Variants in ITK observed in about 807,000 individuals in gnomAD.
ITK encodes IL2 inducible T cell kinase.
A neutral mutation model predicts 87.6 loss-of-function variants in ITK; 45 were observed. The ratio of observed to expected loss-of-function variants is 0.51; its 90% CI spans 0.40 to 0.66. ITK has a LOEUF of 0.66. ITK is among the 30% of genes least tolerant of loss of function. The pLI, the probability that ITK is intolerant of heterozygous loss-of-function variation, is 0.00. For synonymous variants in ITK, 303 were observed against 273.6 expected (o/e 1.11, Z -1.06); for missense variants, 605 against 766.3 (o/e 0.79, Z 2.48).
At chr5:157,205,953 G>C (rs751877954) in intron 1 of ITK, among the ~76,000 whole-genome samples, 27 of 146,488 alleles carry the variant, frequency 1.8e-4, no homozygotes, top group South Asian at 4.4e-4. Flanking sequence ...AAGCCTACTT[G>C]ATCATGTAAA....
intron 15 of ITK, among the ~76,000 whole-genome samples, chr5:157,246,465 T>G (rs1298661154): frequency 1.3e-5 from 2 of 152,244 alleles, no homozygotes; most frequent in Non-Finnish European, 2.9e-5. Context: ...AAAAGACTTC[T>G]GTTCTTTTGG....
At chr5:157,233,932 CAT>C (rs201838461) in intron 8 of ITK, among the ~76,000 whole-genome samples, 4,055 of 21,430 alleles carry the variant, frequency 0.19, 396 homozygotes, top group African/African-American at 0.22. Flanking sequence ...CTTACTGATA[CAT>C]ATATATATAT....
At chr5:157,191,301 A>G (rs1390818910) in intron 1 of ITK, among the ~76,000 whole-genome samples, 1 of 151,886 alleles carries the variant, frequency 6.6e-6, no homozygotes, top group African/African-American at 2.4e-5. Flanking sequence ...ATCTCACTCC[A>G]TGTTTTGATG....
intron 1 of ITK, among the ~76,000 whole-genome samples, chr5:157,205,698 C>T (rs1475646790): frequency 2.0e-5 from 3 of 152,138 alleles, no homozygotes; most frequent in Non-Finnish European, 2.9e-5. Flanking sequence ...TCAAGGGGAA[C>T]GCCTTCAGCT....
At chr5:157,189,500 C>T (rs913482668) in intron 1 of ITK, among the ~76,000 whole-genome samples, 2 of 152,078 alleles carry the variant, frequency 1.3e-5, no homozygotes, top group Admixed American at 6.6e-5. Flanking sequence ...GCCAACATGG[C>T]GAAACCCTAT....
intron 1 of ITK, among the ~76,000 whole-genome samples, chr5:157,201,918 G>T (rs559833827): frequency 4.3e-4 from 66 of 152,100 alleles, no homozygotes; most frequent in Non-Finnish European, 8.7e-4. Flanking sequence ...CAGGGGTTTG[G>T]TGTACAGATT....
intron 8 of ITK, among the ~76,000 whole-genome samples, chr5:157,237,215 A>G (rs1379809682): frequency 6.6e-6 from 1 of 152,226 alleles, no homozygotes; most frequent in Non-Finnish European, 1.5e-5. Context: ...ATGCGCCCTG[A>G]AAAAGAACAA....
At chr5:157,218,530 A>G (rs893219283) in intron 5 of ITK, among the ~76,000 whole-genome samples, 2 of 148,746 alleles carry the variant, frequency 1.3e-5, no homozygotes, top group African/African-American at 4.9e-5. Flanking sequence ...AAAAAAAAAC[A>G]AGGTGCACAT....
intron 1 of ITK, among the ~76,000 whole-genome samples, chr5:157,206,230 C>G (rs994588832): frequency 6.6e-6 from 1 of 152,152 alleles, no homozygotes; most frequent in African/African-American, 2.4e-5. Context: ...GCTAGGATTA[C>G]AGGCATGAGC....
intron 4 of ITK, among the ~76,000 whole-genome samples, chr5:157,217,342 G>T (rs1754319562): frequency 6.6e-6 from 1 of 152,090 alleles, no homozygotes; most frequent in African/African-American, 2.4e-5. Context: ...GAGGCAGAAA[G>T]AACACATATT....
Position 157,232,362 on chromosome 5 carries a change from C to T in ITK, c.736C>T (p.Arg246Ter), listed in dbSNP as rs1245292885. 1.9e-6 allele frequency: 3 copies of T among 1,611,266 alleles called. No homozygotes were observed. The highest frequency in any genetic ancestry group is 2.5e-6 in the Non-Finnish European group (3 of 1,177,834). Residue 246 changes from arginine to a stop codon, truncating the protein, a stop_gained, in exon 8 of 17, where the codon CGA (arginine) becomes TGA (stop). Coordinates refer to ENST00000422843, the MANE Select transcript of ITK (RefSeq NM_005546.4). LOFTEE classifies it high-confidence loss of function. ...TYEWYNKSIS[R>*]DKAEKLLLDT... is the part of the protein sequence containing the mutation. ...CAGGTGGTACAATAAGAGTATCAGC[C>T]GAGACAAAGCTGAAAAACTTCTTTT... is the stretch of plus-strand genomic sequence containing the variant.
chr5:157,232,366 A>G lies in ITK; in HGVS notation c.740A>G (p.Asp247Gly), dbSNP rs1239495255. ...TGGTACAATAAGAGTATCAGCCGAG[A>G]CAAAGCTGAAAAACTTCTTTTGGAC... Reference protein sequence around the residue: ...YEWYNKSISRDKAEKLLLDTG... With the variant: ...YEWYNKSISRGKAEKLLLDTG... Residue 247 changes from aspartate (D) to glycine (G), a missense_variant, in exon 8 of 17, where the codon GAC becomes GGC. This residue lies in a region of ITK where 464 missense variants were observed against 578.0 expected (regional missense o/e 0.80). Coordinates refer to ENST00000422843, the MANE Select transcript of ITK (RefSeq NM_005546.4). 1.9e-6 allele frequency: 3 copies of G among 1,611,830 alleles called. No individual in the cohort carries two copies. Among genetic ancestry groups the G allele is most frequent in the Non-Finnish European group, 2.5e-6 (3 of 1,178,334 alleles).
At chr5:157,197,315 C>T (rs551272810) in intron 1 of ITK, among the ~76,000 whole-genome samples, 3 of 152,268 alleles carry the variant, frequency 2.0e-5, no homozygotes, top group East Asian at 1.9e-4. Context: ...GTTACAAGGG[C>T]GTGCATCATT....
intron 1 of ITK, among the ~76,000 whole-genome samples, chr5:157,193,217 T>C (rs190844841): frequency 6.6e-6 from 1 of 152,298 alleles, no homozygotes; most frequent in East Asian, 1.9e-4. Context: ...CGAGACCCTA[T>C]CTCTCTTTGT....
intron 5 of ITK, 168 bp from the exon 6 acceptor site, chr5:157,222,695 T>G (rs1754443782): frequency 3.0e-6 from 2 of 672,624 alleles, no homozygotes; most frequent in Non-Finnish European, 5.3e-6. Context: ...AGCAATGTGA[T>G]GAATTCCAAG....
chr5:157,230,757 C>G (rs1446188625), intron 7 of ITK, among the ~76,000 whole-genome samples: 1 of 152,104 alleles, frequency 6.6e-6, no homozygotes, highest in African/African-American at 2.4e-5. Flanking sequence ...TGTTTATGAT[C>G]AAAGGAGCAA....
intron 6 of ITK, among the ~76,000 whole-genome samples, chr5:157,225,870 C>A (rs1343845977): frequency 6.6e-6 from 1 of 152,188 alleles, no homozygotes; most frequent in East Asian, 1.9e-4. Context: ...ACTTAGCACA[C>A]CTAATGTACC....
At chr5:157,197,243 G>A (rs1561648768) in intron 1 of ITK, among the ~76,000 whole-genome samples, 1 of 152,146 alleles carries the variant, frequency 6.6e-6, no homozygotes, top group Non-Finnish European at 1.5e-5. Context: ...AACCCCCATG[G>A]ATACAGATGA....
rs534797417 is a variant in ITK, at chr5:157,253,567, A to G, written c.*889A>G. On this transcript the variant is annotated 3_prime_UTR_variant, in exon 17 of 17. Coordinates refer to ENST00000422843, the MANE Select transcript of ITK (RefSeq NM_005546.4). ...GAATGCTTCCACCAGCATCCTGAGA[A>G]GAAATGATTACTTCTGAAAAACATC... 3 of 228,150 alleles carry G rather than the reference A, an allele frequency of 1.3e-5. No individual in the cohort carries two copies. Among genetic ancestry groups the G allele is most frequent in the East Asian group, 1.2e-4 (2 of 16,030 alleles). The allele number at this position is 228,150 out of a possible 1,614,324, so 14.1% of individuals were successfully genotyped here. A position where few individuals can be genotyped will look rare whatever the true frequency, so the allele number is the denominator to read the frequency against.
Sources: gnomAD v4.1 joint callset for allele counts (sites outside exome capture counted in the v4.1 genomes callset) on GRCh38, gnomAD v4.1.1 for gene constraint, gnomAD v4.1.1 regional missense constraint, MANE v1.5 for transcripts, NCBI Gene and HGNC (gene_info 2026-07-23, HGNC 2026-07-21) for gene names.